Variants in GPC5 observed in about 807,000 individuals in gnomAD.
GPC5 encodes glypican-5.
Under a neutral mutation model 53.9 loss-of-function variants are expected in GPC5, and 47 were observed. The observed-to-expected ratio is 0.87, with a 90% CI of 0.69 to 1.11. GPC5 has a LOEUF of 1.11. GPC5 is among the 50% of genes most tolerant of loss of function. The pLI is 0.00. For synonymous variants in GPC5, 286 were observed against 263.3 expected (o/e 1.09, Z -0.84); for missense variants, 748 against 713.1 (o/e 1.05, Z -0.56).
intron 7 of GPC5, among the ~76,000 whole-genome samples, chr13:92,396,552 G>A (rs768962230): frequency 3.3e-5 from 5 of 150,424 alleles, no homozygotes; most frequent in Non-Finnish European, 4.4e-5. Flanking sequence ...TAAGTTCCAT[G>A]ATACACATGC....
At chr13:91,656,623 C>G (rs778233329) in intron 2 of GPC5, among the ~76,000 whole-genome samples, 1 of 152,134 alleles carries the variant, frequency 6.6e-6, no homozygotes, top group Non-Finnish European at 1.5e-5. Context: ...GAAATCACAT[C>G]AGTTGTTTGG....
At chr13:91,566,737 T>A (rs4359314) in intron 2 of GPC5, among the ~76,000 whole-genome samples, 71,671 of 151,920 alleles carry the variant, frequency 0.47, 18,780 homozygotes, top group African/African-American at 0.72. Flanking sequence ...TAAAATATTT[T>A]TCTCAAACTT....
intron 7 of GPC5, among the ~76,000 whole-genome samples, chr13:92,655,546 G>A (rs566987200): frequency 3.3e-5 from 5 of 152,192 alleles, no homozygotes; most frequent in African/African-American, 1.2e-4. Flanking sequence ...TGTTGGCCAG[G>A]ATGGTTTCGA....
intron 5 of GPC5, among the ~76,000 whole-genome samples, chr13:91,907,684 C>CA (rs2039569003): frequency 6.6e-6 from 1 of 151,444 alleles, no homozygotes; most frequent in Non-Finnish European, 1.5e-5. Context: ...TAAGTAGTAT[C>CA]AAAAAACAAG....
intron 6 of GPC5, among the ~76,000 whole-genome samples, chr13:91,909,086 T>C (rs1427977641): frequency 6.6e-6 from 1 of 152,176 alleles, no homozygotes; most frequent in Non-Finnish European, 1.5e-5. Flanking sequence ...TACCATAGAT[T>C]TCTCCCTTCT....
At chr13:92,047,821 A>G (rs1225626881) in intron 6 of GPC5, among the ~76,000 whole-genome samples, 1 of 150,302 alleles carries the variant, frequency 6.7e-6, no homozygotes, top group Non-Finnish European at 1.5e-5. Context: ...AAAAAAAAAA[A>G]AAAAAAGAAA....
At chr13:91,408,332 T>C (rs1437419648) in intron 1 of GPC5, among the ~76,000 whole-genome samples, 1 of 152,210 alleles carries the variant, frequency 6.6e-6, no homozygotes, top group South Asian at 2.1e-4. Context: ...GTGCCTGGTT[T>C]ATTTCACTTA....
intron 7 of GPC5, among the ~76,000 whole-genome samples, chr13:92,236,614 A>T (rs1023457344): frequency 1.3e-5 from 2 of 152,064 alleles, no homozygotes; most frequent in Non-Finnish European, 2.9e-5. Flanking sequence ...AATTTCATGG[A>T]TGCTTAATTT....
intron 7 of GPC5, among the ~76,000 whole-genome samples, chr13:92,290,846 A>C (rs2042989102): frequency 6.6e-6 from 1 of 152,126 alleles, no homozygotes; most frequent in South Asian, 2.1e-4. Flanking sequence ...TGGGTTGGCC[A>C]GGGCTGGAGC....
At chr13:92,415,394 T>G (rs1876241933) in intron 7 of GPC5, among the ~76,000 whole-genome samples, 1 of 151,808 alleles carries the variant, frequency 6.6e-6, no homozygotes, top group Non-Finnish European at 1.5e-5. Flanking sequence ...AGTAGATAGG[T>G]GTGAGGTATG....
intron 2 of GPC5, among the ~76,000 whole-genome samples, chr13:91,680,711 G>T (rs975806621): frequency 6.6e-6 from 1 of 152,176 alleles, no homozygotes; most frequent in Admixed American, 6.5e-5. Context: ...TGAAAAGGCT[G>T]CCTTTGTCAA....
intron 6 of GPC5, among the ~76,000 whole-genome samples, chr13:91,963,415 G>A (rs1166879559): frequency 2.0e-5 from 3 of 152,106 alleles, no homozygotes; most frequent in African/African-American, 7.2e-5. Context: ...AGTTCCCTAT[G>A]TGTACATAAG....
intron 6 of GPC5, among the ~76,000 whole-genome samples, chr13:92,037,532 T>C (rs913852104): frequency 4.6e-5 from 7 of 152,334 alleles, no homozygotes; most frequent in Admixed American, 3.9e-4. Context: ...TATTATAGTA[T>C]ATATTTATTT....
At chr13:92,058,610 T>G (rs540482792) in intron 6 of GPC5, among the ~76,000 whole-genome samples, 46 of 152,236 alleles carry the variant, frequency 3.0e-4, no homozygotes, top group Non-Finnish European at 5.4e-4. Context: ...TGGTGCGATC[T>G]TAGCTCACTG....
chr13:92,066,593 C>G (rs1365022129), intron 6 of GPC5, among the ~76,000 whole-genome samples: 1 of 152,044 alleles, frequency 6.6e-6, no homozygotes, highest in Non-Finnish European at 1.5e-5. Flanking sequence ...AGTGCTGCTT[C>G]TTTACCAGGC....
Position 92,481,834 on chromosome 13 carries a change from A to G in GPC5, c.1561+336845A>G, listed in dbSNP as rs1156574606. ...GCTGATGTTGGGAGGCTAAGTATAA[A>G]AAGACATTCTGTGGCTGGGCGCAGT... On this transcript the variant is annotated intron_variant, in intron 7 of 7. Transcript: ENST00000377067. Among the ~76,000 whole-genome samples, 6 of 152,252 alleles carry G rather than the reference A, an allele frequency of 3.9e-5. No homozygotes were observed. In the South Asian group the frequency reaches 6.2e-4, roughly 16 times the overall value.
chr13:91,894,187 GC>G (rs1237904271), intron 5 of GPC5, among the ~76,000 whole-genome samples: 2 of 152,096 alleles, frequency 1.3e-5, no homozygotes, highest in Non-Finnish European at 2.9e-5. Flanking sequence ...TGTCTAACTT[GC>G]TGGTTGTCAT....
At chr13:92,616,597 G>A (rs943042336) in intron 7 of GPC5, among the ~76,000 whole-genome samples, 6 of 152,176 alleles carry the variant, frequency 3.9e-5, no homozygotes, top group Non-Finnish European at 7.3e-5. Context: ...TTTAGGAACC[G>A]TGTTGTTACA....
intron 6 of GPC5, among the ~76,000 whole-genome samples, chr13:92,085,197 T>C (rs2041326647): frequency 6.6e-6 from 1 of 152,214 alleles, no homozygotes; most frequent in Non-Finnish European, 1.5e-5. Context: ...CGAGTCGATA[T>C]GTTTCTCTTT....
Sources: gnomAD v4.1 joint callset for allele counts (sites outside exome capture counted in the v4.1 genomes callset) on GRCh38, gnomAD v4.1.1 for gene constraint, MANE v1.5 for transcripts, NCBI Gene and HGNC (gene_info 2026-07-23, HGNC 2026-07-21) for gene names.